GMDS: variants seen among roughly 807,000 people sequenced by gnomAD.
GMDS encodes GDP-mannose 4,6-dehydratase.
Under a neutral mutation model 49.9 loss-of-function variants are expected in GMDS, and 20 were observed. That is an observed-to-expected ratio of 0.40 (90% CI 0.28 to 0.58). The LOEUF is 0.58. Among genes scored for constraint, GMDS ranks in the 20% least tolerant of loss-of-function variants. The pLI, the probability that GMDS is intolerant of heterozygous loss-of-function variation, is 0.42. For synonymous variants in GMDS, 177 were observed against 178.6 expected (o/e 0.99, Z 0.07); for missense variants, 362 against 481.4 (o/e 0.75, Z 2.32).
At chr6:2,155,775 C>G (rs1016442550) in intron 1 of GMDS, among the ~76,000 whole-genome samples, 4 of 152,114 alleles carry the variant, frequency 2.6e-5, no homozygotes, top group African/African-American at 9.7e-5. Context: ...GCTGTTTGCT[C>G]TTTCTTGAAA....
intron 9 of GMDS, among the ~76,000 whole-genome samples, chr6:1,647,680 A>G (rs72838815): frequency 0.12 from 18,681 of 152,218 alleles, 1,528 homozygotes; most frequent in Non-Finnish European, 0.18. Flanking sequence ...GGAAAGTAGG[A>G]AAGGGTGTGA....
intron 7 of GMDS, among the ~76,000 whole-genome samples, chr6:1,750,433 T>G (rs1581137134): frequency 6.6e-6 from 1 of 151,916 alleles, no homozygotes; most frequent in Non-Finnish European, 1.5e-5. Context: ...CCATGGAGGG[T>G]GAGCCGAAGC....
intron 7 of GMDS, among the ~76,000 whole-genome samples, chr6:1,784,804 T>C (rs1769255835): frequency 6.6e-6 from 1 of 152,246 alleles, no homozygotes; most frequent in Non-Finnish European, 1.5e-5. Flanking sequence ...CCTTTGCTTA[T>C]GTGTAAAGTG....
Position 1,778,058 on chromosome 6 carries a change from C to T in GMDS, c.772-35472G>A, listed in dbSNP as rs557279722. On this transcript the variant is annotated intron_variant, in intron 7 of 10. Coordinates refer to ENST00000380815, the MANE Select transcript of GMDS (RefSeq NM_001500.4). The surrounding 1 kb of genome is among the most constrained non-coding windows in gnomAD (Gnocchi z 4.6). ...AAGCATTTGTAAGCTCAGGGGTGCA[C>T]GCATTAAAAAAAGAAGCTGAAAAAT... 3.4e-4 allele frequency among the ~76,000 whole-genome samples: 51 copies of T among 151,886 alleles called. No individual in the cohort carries two copies. The highest frequency in any genetic ancestry group is 3.4e-3 in the Middle Eastern group (1 of 294).
chr6:1,641,751 T>C (rs1329150765), intron 9 of GMDS, among the ~76,000 whole-genome samples: 4 of 152,150 alleles, frequency 2.6e-5, no homozygotes, highest in Non-Finnish European at 5.9e-5. Flanking sequence ...CCCTCTTCTC[T>C]CTCCCTTTCC....
intron 9 of GMDS, among the ~76,000 whole-genome samples, chr6:1,672,084 T>C (rs1764450372): frequency 6.6e-6 from 1 of 152,346 alleles, no homozygotes; most frequent in South Asian, 2.1e-4. Flanking sequence ...TGTCTTATTA[T>C]ATTTCTACAA....
At chr6:2,026,552 G>A (rs1768611342) in intron 4 of GMDS, among the ~76,000 whole-genome samples, 1 of 152,180 alleles carries the variant, frequency 6.6e-6, no homozygotes, top group Admixed American at 6.5e-5. Flanking sequence ...TACGTCACTG[G>A]CCATAGACAG....
intron 9 of GMDS, among the ~76,000 whole-genome samples, chr6:1,665,350 A>T (rs1380186080): frequency 6.6e-6 from 1 of 152,230 alleles, no homozygotes; most frequent in African/African-American, 2.4e-5. Flanking sequence ...CCAGCCTAAG[A>T]ATCAAAAGTG....
intron 1 of GMDS, among the ~76,000 whole-genome samples, chr6:2,223,819 C>T (rs1009961512): frequency 3.3e-5 from 5 of 152,130 alleles, no homozygotes; most frequent in Non-Finnish European, 7.4e-5. Context: ...AACTCAGGGT[C>T]TGGAACTCAG....
At chr6:1,674,558 CTCTTTTTTT>C (rs1764543624) in intron 9 of GMDS, among the ~76,000 whole-genome samples, 1 of 71,424 alleles carries the variant, frequency 1.4e-5, no homozygotes, top group Non-Finnish European at 2.7e-5. Flanking sequence ...CTCTCTCTCT[CTCTTTTTTT>C]TTTTTTTTTT....
chr6:1,867,413 G>A (rs9503032), intron 7 of GMDS, among the ~76,000 whole-genome samples: 6,079 of 152,270 alleles, frequency 0.04, 408 homozygotes, highest in African/African-American at 0.14. Context: ...ACGATCGGTA[G>A]GATGATGTCA....
chr6:1,769,963 G>C (rs1397547818), intron 7 of GMDS, among the ~76,000 whole-genome samples: 1 of 152,170 alleles, frequency 6.6e-6, no homozygotes, highest in African/African-American at 2.4e-5. Context: ...CTGACTCTAA[G>C]TGACCACCCG....
chr6:2,092,729 C>T (rs1203940917), intron 4 of GMDS, among the ~76,000 whole-genome samples: 1 of 152,106 alleles, frequency 6.6e-6, no homozygotes, highest in East Asian at 1.9e-4. Context: ...TAAAAAAGTG[C>T]TACACATGTA....
At chr6:2,155,049 A>G (rs997604828) in intron 1 of GMDS, among the ~76,000 whole-genome samples, 12 of 152,100 alleles carry the variant, frequency 7.9e-5, no homozygotes, top group East Asian at 1.9e-4. Context: ...TTTTCAACCC[A>G]TAAGACATGT....
intron 7 of GMDS, among the ~76,000 whole-genome samples, chr6:1,811,367 C>A (rs548619157): frequency 1.3e-5 from 2 of 152,318 alleles, no homozygotes; most frequent in Non-Finnish European, 2.9e-5. Flanking sequence ...GAAGCCTTAT[C>A]AGCTGAGTTT....
At chr6:1,665,893 T>C (rs915329783) in intron 9 of GMDS, among the ~76,000 whole-genome samples, 1 of 152,204 alleles carries the variant, frequency 6.6e-6, no homozygotes, top group African/African-American at 2.4e-5. Context: ...AAATATCACC[T>C]TAATATATCT....
intron 1 of GMDS, among the ~76,000 whole-genome samples, chr6:2,204,483 C>T (rs375601114): frequency 1.3e-5 from 2 of 152,294 alleles, no homozygotes; most frequent in South Asian, 2.1e-4. Context: ...TGTTATGATA[C>T]GAAGTCCCTG....
intron 1 of GMDS, among the ~76,000 whole-genome samples, chr6:2,235,514 G>A (rs920924440): frequency 6.6e-5 from 10 of 152,124 alleles, no homozygotes; most frequent in Admixed American, 5.2e-4. Flanking sequence ...AGACATAAGA[G>A]GAAAACTGGG....
chr6:1,624,260 G>C (rs1485940765), intron 10 of GMDS, 29 bp from the exon 11 acceptor site: 1 of 1,600,994 alleles, frequency 6.2e-7, no homozygotes, highest in Non-Finnish European at 8.5e-7. Context: ...CGTGAGGGAG[G>C]AGCTTCTGCC....
Sources: gnomAD v4.1 joint callset for allele counts (sites outside exome capture counted in the v4.1 genomes callset) on GRCh38, gnomAD v4.1.1 for gene constraint, Gnocchi (gnomAD v3.1) non-coding constraint, MANE v1.5 for transcripts, NCBI Gene and HGNC (gene_info 2026-07-23, HGNC 2026-07-21) for gene names.